The following NEBL variants were observed in gnomAD, a reference collection of about 807,000 sequenced individuals.
The protein encoded by NEBL is LIM and SH3 protein 2.
In NEBL, 122 loss-of-function variants were observed where a neutral mutation model predicts 140.2. The ratio of observed to expected loss-of-function variants is 0.87; its 90% CI spans 0.75 to 1.01. The LOEUF is 1.01. Ranked by LOEUF, NEBL falls within the 50% of genes least tolerant of loss-of-function variation. NEBL has a pLI of 0.00. For missense variants in NEBL, 1,365 were observed against 1,231.3 expected, an observed-to-expected ratio of 1.11 and a Z score of -1.62; for synonymous variants, 436 against 398.9, an observed-to-expected ratio of 1.09 and a Z score of -1.11.
At chr10:20,933,709 G>T (rs1446045171) in intron 4 of NEBL, among the ~76,000 whole-genome samples, 1 of 152,238 alleles carries the variant, frequency 6.6e-6, no homozygotes, top group African/African-American at 2.4e-5. Flanking sequence ...ATTGCATCCA[G>T]ATTGGGTGAC....
At chr10:21,138,886 A>G (rs1296334325) in intron 2 of NEBL, among the ~76,000 whole-genome samples, 1 of 152,166 alleles carries the variant, frequency 6.6e-6, no homozygotes. Context: ...AGCGATTACT[A>G]TCATTCCAGA....
intron 2 of NEBL, among the ~76,000 whole-genome samples, chr10:21,096,574 C>A (rs1231473535): frequency 6.6e-6 from 1 of 151,246 alleles, no homozygotes; most frequent in East Asian, 1.9e-4. Flanking sequence ...AGAGCAGTGA[C>A]CTGATCATAG....
At chr10:21,268,259 A>G (rs1409594237) in intron 1 of NEBL, among the ~76,000 whole-genome samples, 1 of 152,158 alleles carries the variant, frequency 6.6e-6, no homozygotes, top group Non-Finnish European at 1.5e-5. Flanking sequence ...AGTTGAGGAC[A>G]GGAGTTCAAG....
intron 4 of NEBL, among the ~76,000 whole-genome samples, chr10:20,936,955 T>C (rs2131552253): frequency 6.6e-6 from 1 of 152,318 alleles, no homozygotes; most frequent in East Asian, 1.9e-4. Flanking sequence ...CATCCCGTTT[T>C]TTGCCTGGTA....
intron 3 of NEBL, among the ~76,000 whole-genome samples, chr10:21,188,280 C>T (rs1038932775): frequency 2.0e-5 from 3 of 152,114 alleles, no homozygotes. Context: ...AATCAGAAAT[C>T]GGAAGTTGTC....
chr10:20,937,761 G>A (rs544259727), intron 4 of NEBL, among the ~76,000 whole-genome samples: 45 of 152,288 alleles, frequency 3.0e-4, no homozygotes, highest in African/African-American at 1.0e-3. Context: ...CTTTTCCGAC[G>A]GTTTTAGCAA....
intron 2 of NEBL, among the ~76,000 whole-genome samples, chr10:21,028,744 AG>A (rs1360260774): frequency 2.0e-5 from 3 of 152,112 alleles, no homozygotes; most frequent in Non-Finnish European, 4.4e-5. Context: ...CAAATTTTTT[AG>A]AAGAACCAAA....
intron 1 of NEBL, among the ~76,000 whole-genome samples, chr10:21,273,820 T>A (rs1046655253): frequency 6.6e-6 from 1 of 152,164 alleles, no homozygotes; most frequent in Non-Finnish European, 1.5e-5. Flanking sequence ...TATACACAGA[T>A]AATTTACCCT....
intron 2 of NEBL, among the ~76,000 whole-genome samples, chr10:21,096,211 A>G (rs1837177614): frequency 6.6e-6 from 1 of 152,174 alleles, no homozygotes; most frequent in Non-Finnish European, 1.5e-5. Context: ...AATACCACTG[A>G]GTTCTAGGAT....
At chr10:21,154,093 G>A (rs891721668) in intron 2 of NEBL, among the ~76,000 whole-genome samples, 1 of 152,038 alleles carries the variant, frequency 6.6e-6, no homozygotes, top group Non-Finnish European at 1.5e-5. Context: ...AGTTCAGAAA[G>A]GAACTTCTCA....
intron 3 of NEBL, among the ~76,000 whole-genome samples, chr10:21,010,056 G>A (rs1838276747): frequency 6.6e-6 from 1 of 152,062 alleles, no homozygotes; most frequent in Non-Finnish European, 1.5e-5. Context: ...TCTAAGTAGT[G>A]TCCTCCTTTC....
In NEBL at chr10:21,092,283, C is replaced by A. The variant is rs1354275411; in HGVS notation, c.165-72082G>T. ...CATTACTACAGTCAAGAGAAAGCACCAGCTTCCCAAAGTTAAAATAAACAT... is the reference window on the plus strand; with the variant it reads ...CATTACTACAGTCAAGAGAAAGCACAAGCTTCCCAAAGTTAAAATAAACAT... On this transcript the variant is annotated intron_variant, in intron 2 of 6. Transcript: ENST00000417816. 3.9e-5 allele frequency among the ~76,000 whole-genome samples: 6 copies of A among 152,138 alleles called. 1 individual carries two copies. Among genetic ancestry groups the A allele is most frequent in the Non-Finnish European group, 8.8e-5 (6 of 68,026 alleles).
chr10:20,967,130 C>A (rs369515771), intron 3 of NEBL, among the ~76,000 whole-genome samples: 1 of 151,922 alleles, frequency 6.6e-6, no homozygotes, highest in East Asian at 1.9e-4. Flanking sequence ...AAAGAGAGAG[C>A]ATCTGGAGAC....
intron 2 of NEBL, among the ~76,000 whole-genome samples, chr10:21,066,971 C>CTTCT (rs372177329): frequency 8.9e-6 from 1 of 112,832 alleles, no homozygotes; most frequent in African/African-American, 3.2e-5. Flanking sequence ...AATAATTTAA[C>CTTCT]TTTTTTTTTT....
Position 21,173,283 on chromosome 10 carries a change from G to C in NEBL, c.69+482C>G, listed in dbSNP as rs183889743. 0.011 allele frequency among the ~76,000 whole-genome samples: 1,656 copies of C among 152,256 alleles called. 14 individuals carry two copies. The highest frequency in any genetic ancestry group is 0.025 in the African/African-American group (1,054 of 41,554). ...GGATTATTCTTAGCAATGCGGCAGC[G>C]GCCGCCCCATGACATATTAATTACT... On this transcript the variant is annotated intron_variant, in intron 1 of 6. Transcript: ENST00000417816. The surrounding 1 kb of genome is among the most constrained non-coding windows in gnomAD (Gnocchi z 5.7).
chr10:21,125,853 A>G (rs1838800721), intron 2 of NEBL: 3 of 1,612,926 alleles, frequency 1.9e-6, no homozygotes, highest in African/African-American at 2.7e-5. Flanking sequence ...GCACCTTCTT[A>G]GATACGTTGA....
intron 4 of NEBL, among the ~76,000 whole-genome samples, chr10:20,923,926 A>C (rs1267770509): frequency 6.6e-6 from 1 of 151,982 alleles, no homozygotes; most frequent in African/African-American, 2.4e-5. Context: ...CCCAGCCTAC[A>C]TTTCCTATCT....
At chr10:20,935,989 A>T (rs1033109886) in intron 4 of NEBL, among the ~76,000 whole-genome samples, 2 of 152,228 alleles carry the variant, frequency 1.3e-5, no homozygotes, top group Admixed American at 1.3e-4. Flanking sequence ...CTTCTAAAAA[A>T]TCCAAATAAA....
chr10:21,222,924 G>A (rs1466315723), intron 3 of NEBL, among the ~76,000 whole-genome samples: 7 of 152,184 alleles, frequency 4.6e-5, no homozygotes, highest in Admixed American at 1.3e-4. Context: ...CACCATGCCC[G>A]GCTAATTTTT....
Sources: allele counts gnomAD v4.1 joint callset (sites outside exome capture counted in the v4.1 genomes callset), GRCh38; gene constraint gnomAD v4.1.1; non-coding constraint Gnocchi (gnomAD v3.1); transcripts MANE v1.5; gene names NCBI Gene and HGNC (gene_info 2026-07-23, HGNC 2026-07-21).